Variants in ICA1L observed in about 807,000 individuals in gnomAD.
ICA1L encodes islet cell autoantigen 1-like protein.
Under a neutral mutation model 61.3 loss-of-function variants are expected in ICA1L, and 50 were observed. The observed-to-expected ratio is 0.82, with a 90% CI of 0.65 to 1.03. ICA1L has a LOEUF of 1.03. Ranked by LOEUF, ICA1L falls within the 50% of genes least tolerant of loss-of-function variation. ICA1L has a pLI of 0.00. For missense variants in ICA1L, 508 were observed against 556.7 expected, an observed-to-expected ratio of 0.91 and a Z score of 0.88; for synonymous variants, 161 against 191.3, an observed-to-expected ratio of 0.84 and a Z score of 1.31.
At chr2:202,871,284 TC>T (rs1453595888) in intron 1 of ICA1L, 1 of 152,014 alleles carries the variant, frequency 6.6e-6, no homozygotes, top group Non-Finnish European at 1.5e-5. Flanking sequence ...GCTGCCGCGC[TC>T]CTTCACTACA....
At chr2:202,832,791 AT>A (rs1370180554) in intron 1 of ICA1L, among the ~76,000 whole-genome samples, 1 of 152,126 alleles carries the variant, frequency 6.6e-6, no homozygotes, top group Non-Finnish European at 1.5e-5. Context: ...TCTTAAAAAA[AT>A]AATAATAACT....
At chr2:202,817,196 GTCTC>G (rs1274850045) in intron 6 of ICA1L, among the ~76,000 whole-genome samples, 1 of 151,990 alleles carries the variant, frequency 6.6e-6, no homozygotes, top group Non-Finnish European at 1.5e-5. Flanking sequence ...TGGTCCCTAA[GTCTC>G]TCTCTCTCCT....
chr2:202,847,783 A>G (rs1694507886), intron 1 of ICA1L, among the ~76,000 whole-genome samples: 1 of 150,442 alleles, frequency 6.6e-6, no homozygotes, highest in East Asian at 2.0e-4. Context: ...AGGCACTTGT[A>G]TGTTCACTGC....
intron 1 of ICA1L, among the ~76,000 whole-genome samples, chr2:202,851,474 G>T (rs369600403): frequency 1.3e-5 from 2 of 152,158 alleles, no homozygotes; most frequent in Non-Finnish European, 2.9e-5. Flanking sequence ...ATAAACATAC[G>T]TGTGCATGTG....
At chr2:202,809,256 G>T (rs1344902728) in intron 9 of ICA1L, among the ~76,000 whole-genome samples, 4 of 151,832 alleles carry the variant, frequency 2.6e-5, no homozygotes, top group Non-Finnish European at 4.4e-5. Flanking sequence ...TTGATATAGT[G>T]AAGAACGCAT....
chr2:202,792,932 T>C (rs1200179037), intron 10 of ICA1L, among the ~76,000 whole-genome samples: 1 of 152,320 alleles, frequency 6.6e-6, no homozygotes. Context: ...ATATGGAATG[T>C]CCAGAAAAGG....
rs920918611 is a variant in ICA1L, at chr2:202,849,965, G to C, written c.-7-20949C>G. On this transcript the variant is annotated intron_variant, in intron 1 of 12. Coordinates refer to ENST00000358299, the MANE Select transcript of ICA1L (RefSeq NM_001288622.3). The surrounding 1 kb of genome is among the most constrained non-coding windows in gnomAD (Gnocchi z 4.5). ...TCAGAGGAAGGAACAGGCAGCAATC[G>C]TTGCTGTTCTGTAGCCTCTGCTGGT... Among the ~76,000 whole-genome samples, 4 of 152,174 alleles carry C rather than the reference G, an allele frequency of 2.6e-5. No homozygotes were observed. Among genetic ancestry groups the C allele is most frequent in the Admixed American group, 2.6e-4 (4 of 15,280 alleles).
chr2:202,810,297 C>T (rs992974620), intron 9 of ICA1L, among the ~76,000 whole-genome samples: 7 of 152,186 alleles, frequency 4.6e-5, no homozygotes, highest in Admixed American at 2.6e-4. Flanking sequence ...ACAGAGGGAC[C>T]GGCTGAAGCC....
At chr2:202,807,286 G>A (rs1213263554) in intron 9 of ICA1L, among the ~76,000 whole-genome samples, 1 of 152,218 alleles carries the variant, frequency 6.6e-6, no homozygotes, top group East Asian at 1.9e-4. Context: ...CACATGGTGT[G>A]GAGAGAGAAT....
At chr2:202,784,278 C>A (rs1692507640) in intron 12 of ICA1L, among the ~76,000 whole-genome samples, 1 of 151,900 alleles carries the variant, frequency 6.6e-6, no homozygotes, top group South Asian at 2.1e-4. Context: ...ATGGTGAAAC[C>A]CCATCTCTAC....
At chr2:202,867,117 GGAA>G (rs920181252) in intron 1 of ICA1L, among the ~76,000 whole-genome samples, 5 of 152,088 alleles carry the variant, frequency 3.3e-5, no homozygotes, top group African/African-American at 7.2e-5. Context: ...TGAAAAGTTT[GGAA>G]GAAACTTTTC....
chr2:202,844,237 A>T, intron 1 of ICA1L: 1 of 152,090 alleles, frequency 6.6e-6, no homozygotes, highest in Non-Finnish European at 1.5e-5. Context: ...TTAGCCATAC[A>T]TTGTGGCATA....
chr2:202,779,760 G>C, intron 12 of ICA1L, 112 bp from the exon 13 acceptor site: 2 of 603,448 alleles, frequency 3.3e-6, no homozygotes, highest in Non-Finnish European at 5.7e-6. Flanking sequence ...AAAAAATTAA[G>C]ATAACTGACA....
intron 10 of ICA1L, among the ~76,000 whole-genome samples, chr2:202,791,387 T>C (rs1054013972): frequency 5.3e-5 from 8 of 152,174 alleles, no homozygotes; most frequent in African/African-American, 1.2e-4. Flanking sequence ...TTATAAAAAA[T>C]ATATAAACTC....
At chr2:202,829,459 T>A (rs1693952836) in intron 1 of ICA1L, among the ~76,000 whole-genome samples, 2 of 151,370 alleles carry the variant, frequency 1.3e-5, no homozygotes, top group South Asian at 4.2e-4. Flanking sequence ...CTAAATGTAA[T>A]TTTTTTTTAG....
chr2:202,867,699 C>A (rs982566020), intron 1 of ICA1L, among the ~76,000 whole-genome samples: 5 of 152,158 alleles, frequency 3.3e-5, no homozygotes, highest in Admixed American at 6.5e-5. Flanking sequence ...CCCATTTGAT[C>A]TTGCTAACAA....
rs373168723 is a variant in ICA1L, at chr2:202,779,648, G to A, written c.1334C>T (p.Ser445Phe). ...PSQSPKKLTR[S>F]PNNGNQDMSA... ...CATGTCTTGGTTGCCATTGTTGGGG[G>A]CTATTAAAAAAGAAAAAAAATACAT... The change falls in exon 13 of 13, where the codon TCC becomes TTC. Residue 445 changes from serine (S) to phenylalanine (F), a missense_variant and splice_region_variant. Transcript: ENST00000358299. The A allele has an allele frequency of 1.3e-6, 2 of 1,582,560 alleles. No individual in the cohort carries two copies. The highest frequency in any genetic ancestry group is 1.7e-6 in the Non-Finnish European group (2 of 1,159,138).
At chr2:202,828,006 G>A (rs1386840533) in intron 2 of ICA1L, among the ~76,000 whole-genome samples, 1 of 152,140 alleles carries the variant, frequency 6.6e-6, no homozygotes, top group Non-Finnish European at 1.5e-5. Flanking sequence ...TAGTAAATCT[G>A]CATTTAAAAA....
At chr2:202,824,424 G>T (rs557712225) in intron 3 of ICA1L, among the ~76,000 whole-genome samples, 1 of 152,084 alleles carries the variant, frequency 6.6e-6, no homozygotes, top group Admixed American at 6.5e-5. Flanking sequence ...CTGTCCTTAA[G>T]GAGGGCATAC....
Sources: gnomAD v4.1 joint callset for allele counts (sites outside exome capture counted in the v4.1 genomes callset) on GRCh38, gnomAD v4.1.1 for gene constraint, Gnocchi (gnomAD v3.1) non-coding constraint, MANE v1.5 for transcripts, NCBI Gene and HGNC (gene_info 2026-07-23, HGNC 2026-07-21) for gene names.